ZFHX3: variants seen among roughly 807,000 people sequenced by gnomAD.
The protein encoded by ZFHX3 is zinc finger homeobox 3, also known as zinc finger homeobox protein 3.
Under a neutral mutation model 279.1 loss-of-function variants are expected in ZFHX3, and 42 were observed. The observed-to-expected ratio is 0.15, with a 90% CI of 0.12 to 0.19. The LOEUF (loss-of-function observed/expected upper bound fraction) is 0.19, where lower values mean the gene tolerates loss of function less well. Ranked by LOEUF, ZFHX3 falls within the 10% of genes least tolerant of loss-of-function variation. ZFHX3 has a pLI of 1.00. For missense variants in ZFHX3, 4,981 were observed against 4,754.0 expected (o/e 1.05, Z -1.40); for synonymous variants, 2,293 against 1,957.8 (o/e 1.17, Z -4.52).
intron 3 of ZFHX3, among the ~76,000 whole-genome samples, chr16:72,932,707 G>A (rs1959887360): frequency 1.4e-5 from 2 of 147,508 alleles, no homozygotes; most frequent in African/African-American, 5.0e-5. Context: ...CAAACCAACA[G>A]CGTGTCAAGT....
intron 1 of ZFHX3, among the ~76,000 whole-genome samples, chr16:73,011,153 T>C (rs559086632): frequency 2.6e-5 from 4 of 152,196 alleles, no homozygotes; most frequent in Admixed American, 2.6e-4. Context: ...GGCTAATTTT[T>C]GTATTTTTTG....
intron 3 of ZFHX3, among the ~76,000 whole-genome samples, chr16:73,413,225 A>T (rs1427652758): frequency 6.6e-6 from 1 of 152,274 alleles, no homozygotes; most frequent in East Asian, 1.9e-4. Context: ...GGCCCTTGCC[A>T]TCAATGACGT....
At chr16:73,092,711 C>A (rs370346925) in intron 8 of ZFHX3, 11 of 328,504 alleles carry the variant, frequency 3.3e-5, no homozygotes, top group South Asian at 2.0e-4. Context: ...TGCTCTCTCG[C>A]GCTCTGGGAG....
chr16:72,970,664 A>G (rs1962064950), intron 1 of ZFHX3, among the ~76,000 whole-genome samples: 2 of 152,186 alleles, frequency 1.3e-5, no homozygotes, highest in Admixed American at 6.5e-5. Flanking sequence ...TTCCCGGCTA[A>G]ACCGGACACC....
At chr16:73,588,927 CAA>C (rs2051958209) in intron 2 of ZFHX3, among the ~76,000 whole-genome samples, 1 of 151,764 alleles carries the variant, frequency 6.6e-6, no homozygotes, top group Non-Finnish European at 1.5e-5. Context: ...ATATAGAACA[CAA>C]GAGAGCCCAG....
At chr16:73,863,542 G>T in intron 1 of ZFHX3, among the ~76,000 whole-genome samples, 1 of 152,194 alleles carries the variant, frequency 6.6e-6, no homozygotes, top group Non-Finnish European at 1.5e-5. Flanking sequence ...AAAAAAATCC[G>T]AAAGGCAATA....
chr16:73,837,967 T>A (rs1425513495), intron 1 of ZFHX3, among the ~76,000 whole-genome samples: 1 of 152,224 alleles, frequency 6.6e-6, no homozygotes, highest in African/African-American at 2.4e-5. Flanking sequence ...TCTGTTCCTC[T>A]CTTAGCAATG....
intron 1 of ZFHX3, among the ~76,000 whole-genome samples, chr16:72,960,444 TC>T (rs1380865139): frequency 6.6e-6 from 1 of 152,190 alleles, no homozygotes; most frequent in Non-Finnish European, 1.5e-5. Flanking sequence ...GGAACAGCCC[TC>T]TTCGGCTTCG....
chr16:73,659,086 T>C (rs2052752562), intron 2 of ZFHX3, among the ~76,000 whole-genome samples: 1 of 152,126 alleles, frequency 6.6e-6, no homozygotes, highest in African/African-American at 2.4e-5. Flanking sequence ...GGAGATGTGG[T>C]TGGATTCCAT....
intron 1 of ZFHX3, among the ~76,000 whole-genome samples, chr16:73,792,852 G>C (rs555063120): frequency 3.2e-5 from 4 of 125,086 alleles, no homozygotes; most frequent in African/African-American, 1.3e-4. Flanking sequence ...TGACCATACA[G>C]TGCACCCCCC....
rs2035834263 is a variant in ZFHX3 at position 72,794,630 on chromosome 16, C to G, written c.8052G>C (p.Val2684=). ...IAHEVGLKKR[V]VQVWFQNTRA... is the part of the protein sequence containing the mutation. ...GGGTGTTCTGAAACCAGACTTGTAC[C>G]ACACGTTTCTTCAAGCCCACCTCGT... Residue 2684 remains valine (V), a synonymous_variant, in exon 9 of 10, where the codon GTG becomes GTC. Coordinates refer to ENST00000268489, the MANE Select transcript of ZFHX3 (RefSeq NM_006885.4). The surrounding 1 kb of genome is among the most constrained non-coding windows in gnomAD (Gnocchi z 4.2). The G allele has an allele frequency of 5.0e-6, 8 of 1,614,090 alleles. No individual in the cohort carries two copies. In the East Asian group the frequency reaches 1.8e-4, roughly 36 times the overall value.
At chr16:73,810,518 T>C (rs1222588351) in intron 1 of ZFHX3, among the ~76,000 whole-genome samples, 2 of 152,210 alleles carry the variant, frequency 1.3e-5, no homozygotes, top group East Asian at 1.9e-4. Flanking sequence ...CTTCAGACAA[T>C]AGCAATATCT....
chr16:73,555,849 A>G (rs1174562203), intron 2 of ZFHX3, among the ~76,000 whole-genome samples: 1 of 152,050 alleles, frequency 6.6e-6, no homozygotes, highest in African/African-American at 2.4e-5. Context: ...AAAAAAAGAA[A>G]AGAAAAGGAT....
intron 1 of ZFHX3, among the ~76,000 whole-genome samples, chr16:72,970,263 A>T (rs1464168034): frequency 6.6e-6 from 1 of 152,088 alleles, no homozygotes; most frequent in Non-Finnish European, 1.5e-5. Flanking sequence ...AACCACCATG[A>T]ATCAAAACCA....
intron 2 of ZFHX3, among the ~76,000 whole-genome samples, chr16:73,555,406 G>A (rs1336543481): frequency 2.0e-5 from 3 of 151,858 alleles, no homozygotes; most frequent in Non-Finnish European, 2.9e-5. Flanking sequence ...CGCCTGCCTC[G>A]GCCTCCCAAA....
Position 73,182,953 on chromosome 16 carries a change from C to A in ZFHX3, c.-1103-39122G>T, listed in dbSNP as rs1378673168. 2.0e-5 allele frequency among the ~76,000 whole-genome samples: 3 copies of A among 152,156 alleles called. No homozygotes were observed. The East Asian group carries it at 5.8e-4, about 29-fold the overall frequency. On this transcript the variant is annotated intron_variant, in intron 5 of 17. Transcript: ENST00000641206. Reference sequence around the variant, plus strand: ...GGCGTGGTGGCTCACGCCTGTAATCCCAGCACTTTGGAAGGCCGAGGTGGG... The same window carrying A: ...GGCGTGGTGGCTCACGCCTGTAATCACAGCACTTTGGAAGGCCGAGGTGGG...
chr16:73,262,577 G>T (rs548233246), intron 4 of ZFHX3, among the ~76,000 whole-genome samples: 6 of 151,344 alleles, frequency 4.0e-5, no homozygotes, highest in Non-Finnish European at 8.8e-5. Flanking sequence ...GGTAAAAAAA[G>T]GGCTTGAGGA....
rs553729472 is a variant in ZFHX3 at position 73,115,499 on chromosome 16, G to A, written c.-897+15469C>T. Among the ~76,000 whole-genome samples the A allele has an allele frequency of 4.6e-5, 7 of 152,074 alleles. No individual in the cohort carries two copies. The South Asian group carries it at 8.3e-4, about 18-fold the overall frequency. On this transcript the variant is annotated intron_variant, in intron 7 of 17. Coordinates refer to the ZFHX3 transcript ENST00000641206. ...TGGGAGGTCGAGGCTGCAGTGAACC[G>A]GGATCATGCCACTGCACTCCAGCCA...
chr16:73,329,084 G>T (rs1235082040), intron 3 of ZFHX3, among the ~76,000 whole-genome samples: 1 of 152,236 alleles, frequency 6.6e-6, no homozygotes, highest in Non-Finnish European at 1.5e-5. Flanking sequence ...CTCAAAATCA[G>T]CCTCATTGGT....
Sources: allele counts gnomAD v4.1 joint callset (sites outside exome capture counted in the v4.1 genomes callset), GRCh38; gene constraint gnomAD v4.1.1; non-coding constraint Gnocchi (gnomAD v3.1); transcripts MANE v1.5; gene names NCBI Gene and HGNC (gene_info 2026-07-23, HGNC 2026-07-21).